Variants in CLTCL1 observed in about 807,000 individuals in gnomAD.
The protein encoded by CLTCL1 is clathrin heavy chain like 1.
Under a neutral mutation model 190.0 loss-of-function variants are expected in CLTCL1, and 159 were observed. That is an observed-to-expected ratio of 0.84 (90% confidence interval 0.74 to 0.95). The LOEUF (loss-of-function observed/expected upper bound fraction) is 0.95. CLTCL1 is among the 40% of genes least tolerant of loss of function. CLTCL1 has a pLI of 0.00. For missense variants in CLTCL1, 1,878 were observed against 2,033.4 expected (o/e 0.92, Z 1.47); for synonymous variants, 752 against 769.6 (o/e 0.98, Z 0.38).
At chr22:19,193,983 G>A (rs566907259) in intron 26 of CLTCL1, among the ~76,000 whole-genome samples, 164 of 152,314 alleles carry the variant, frequency 1.1e-3, no homozygotes, top group African/African-American at 3.8e-3. Flanking sequence ...CTGCTGGCTC[G>A]CATGGCCAGC....
intron 18 of CLTCL1, among the ~76,000 whole-genome samples, chr22:19,218,239 T>G (rs2085454094): frequency 6.6e-6 from 1 of 152,182 alleles, no homozygotes; most frequent in African/African-American, 2.4e-5. Flanking sequence ...AGTACCAACA[T>G]GAAGTCACCT....
At chr22:19,228,909 C>CTAT (rs782257338) in intron 11 of CLTCL1, among the ~76,000 whole-genome samples, 7 of 152,094 alleles carry the variant, frequency 4.6e-5, no homozygotes, top group Non-Finnish European at 8.8e-5. Flanking sequence ...ATGGTGATTA[C>CTAT]TATTATTATT....
intron 5 of CLTCL1, chr22:19,238,509 C>A: frequency 4.6e-6 from 1 of 215,552 alleles, no homozygotes; most frequent in South Asian, 8.4e-5. Flanking sequence ...CACACTTGAT[C>A]CTGTCACGAA....
intron 17 of CLTCL1, 75 bp from the exon 18 acceptor site, chr22:19,220,082 C>T (rs908322172): frequency 5.7e-6 from 9 of 1,589,858 alleles, no homozygotes; most frequent in African/African-American, 4.0e-5. Context: ...CACCCCAATT[C>T]GTTCCCTGTG....
At chr22:19,180,010 C>T (rs1299883416) in intron 32 of CLTCL1, 41 bp from the exon 33 acceptor site, 1 of 605,546 alleles carries the variant, frequency 1.7e-6, no homozygotes, top group East Asian at 2.8e-5. Flanking sequence ...GCTCTTCCTG[C>T]CCATGGGGGT....
chr22:19,197,217 C>CT (rs2146292946), intron 24 of CLTCL1, among the ~76,000 whole-genome samples: 1 of 152,298 alleles, frequency 6.6e-6, no homozygotes, highest in South Asian at 2.1e-4. Context: ...TCCCTTTACT[C>CT]TAACGACCAC....
intron 7 of CLTCL1, among the ~76,000 whole-genome samples, chr22:19,234,197 A>G (rs1007668244): frequency 1.3e-5 from 2 of 152,248 alleles, no homozygotes; most frequent in Non-Finnish European, 2.9e-5. Context: ...GTACAGTTGC[A>G]TATTTGACAA....
chr22:19,262,714 CA>C (rs2086991757), intron 2 of CLTCL1, among the ~76,000 whole-genome samples: 1 of 150,992 alleles, frequency 6.6e-6, no homozygotes, highest in African/African-American at 2.4e-5. Flanking sequence ...GGCATCAAGG[CA>C]AGACCCTCCA....
chr22:19,226,193 T>A, intron 12 of CLTCL1, 26 bp downstream of exon 12: 1 of 1,608,642 alleles, frequency 6.2e-7, no homozygotes, highest in South Asian at 1.1e-5. Context: ...ACAGCCATAA[T>A]AGGAGTGCCC....
chr22:19,262,987 C>T lies in CLTCL1; in HGVS notation c.251-8760G>A, dbSNP rs1045352428. ...CAGAAGTTGCAGAGAGTTGAGATAA[C>T]GCCACTGCACTCCAGCCTGGGTGAC... On this transcript the variant is annotated intron_variant, in intron 2 of 32. Transcript: ENST00000427926. Among the ~76,000 whole-genome samples, 39 of 147,796 alleles carry T rather than the reference C, an allele frequency of 2.6e-4. No homozygotes were observed. The Admixed American group carries it at 2.7e-3, about 10-fold the overall frequency.
intron 22 of CLTCL1, among the ~76,000 whole-genome samples, chr22:19,205,439 G>A (rs757856898): frequency 4.6e-5 from 7 of 152,214 alleles, no homozygotes; most frequent in Non-Finnish European, 1.0e-4. Flanking sequence ...GAGCTCAGGA[G>A]GTCGAGGATG....
chr22:19,242,764 G>C lies in CLTCL1; in HGVS notation c.681+11C>G. 6.2e-7 allele frequency: 1 copy of C among 1,613,872 alleles called. No individual in the cohort carries two copies. The highest frequency in any genetic ancestry group is 1.1e-5 in the South Asian group (1 of 91,082). Reference sequence around the variant, plus strand: ...CTTTTCTCAGGGAGAAGACAGTAGAGTGGATCTTACCTTGCCTCCTGTGGG... The same window carrying C: ...CTTTTCTCAGGGAGAAGACAGTAGACTGGATCTTACCTTGCCTCCTGTGGG... On this transcript the variant is annotated intron_variant, in intron 4 of 32. Transcript: ENST00000427926.
chr22:19,219,993 A>G lies in CLTCL1; in HGVS notation c.2811T>C (p.Asn937=). 1 of 1,614,046 alleles carries G rather than the reference A, an allele frequency of 6.2e-7. No individual in the cohort carries two copies. Among genetic ancestry groups the G allele is most frequent in the Non-Finnish European group, 8.5e-7 (1 of 1,179,908 alleles). The change falls in exon 18 of 33, where the codon AAT becomes AAC. Residue 937 remains asparagine, a synonymous_variant. Coordinates refer to ENST00000427926, the MANE Select transcript of CLTCL1 (RefSeq NM_007098.4). ...DLELIKVCNE[N]SLFKSEARYL... ...AGCGGGCCTCGCTTTTGAACAGAGA[A>G]TTCTCATTGCACACCTGAAATGAGC...
At chr22:19,205,151 T>C (rs1219344270) in intron 22 of CLTCL1, among the ~76,000 whole-genome samples, 1 of 152,188 alleles carries the variant, frequency 6.6e-6, no homozygotes, top group Non-Finnish European at 1.5e-5. Flanking sequence ...ATATTGCCAA[T>C]TCCAAATCCC....
At chr22:19,240,728 G>T (rs185798179) in intron 4 of CLTCL1, among the ~76,000 whole-genome samples, 12 of 152,196 alleles carry the variant, frequency 7.9e-5, no homozygotes, top group Non-Finnish European at 1.6e-4. Context: ...ACCACAAAAG[G>T]GTAAGTCAGA....
chr22:19,205,933 T>TG (rs1340800924), intron 22 of CLTCL1, among the ~76,000 whole-genome samples: 16 of 151,908 alleles, frequency 1.1e-4, no homozygotes, highest in Admixed American at 8.5e-4. Context: ...ACCATTGTTT[T>TG]TTTTTTTTTT....
intron 5 of CLTCL1, among the ~76,000 whole-genome samples, chr22:19,236,583 A>AT (rs1306403283): frequency 3.3e-5 from 5 of 152,190 alleles, no homozygotes; most frequent in Admixed American, 3.3e-4. Context: ...TTGAAGTATG[A>AT]TTTTACCACT....
chr22:19,260,268 G>A (rs1555974811), intron 2 of CLTCL1, among the ~76,000 whole-genome samples: 1 of 152,170 alleles, frequency 6.6e-6, no homozygotes, highest in Non-Finnish European at 1.5e-5. Flanking sequence ...AGACGACCTA[G>A]CTAAGATCAT....
In CLTCL1 at chr22:19,274,035, G is replaced by A. The variant is rs763204921; in HGVS notation, c.250+1588C>T. 7.2e-4 allele frequency among the ~76,000 whole-genome samples: 110 copies of A among 152,142 alleles called. 1 individual carries two copies. Among genetic ancestry groups the A allele is most frequent in the Non-Finnish European group, 1.4e-3 (92 of 68,014 alleles). ...CACACACACACACCCTAGGAGCTCC[G>A]CACTGCACATTGTTAAAGAGAACTG... On this transcript the variant is annotated intron_variant, in intron 2 of 32. Coordinates refer to ENST00000427926, the MANE Select transcript of CLTCL1 (RefSeq NM_007098.4).
Sources: gnomAD v4.1 joint callset for allele counts (sites outside exome capture counted in the v4.1 genomes callset) on GRCh38, gnomAD v4.1.1 for gene constraint, MANE v1.5 for transcripts, NCBI Gene and HGNC (gene_info 2026-07-23, HGNC 2026-07-21) for gene names.